The following CCDC30 variants were observed in gnomAD, a reference collection of about 807,000 sequenced individuals.
CCDC30 encodes coiled-coil domain-containing protein 30.
A neutral mutation model predicts 100.2 loss-of-function variants in CCDC30; 70 were observed. The ratio of observed to expected loss-of-function variants is 0.70; its 90% CI spans 0.58 to 0.85. CCDC30 has a LOEUF of 0.85. Among genes scored for constraint, CCDC30 ranks in the 40% least tolerant of loss-of-function variants. The pLI, the probability that CCDC30 is intolerant of heterozygous loss-of-function variation, is 0.00. For synonymous variants in CCDC30, 233 were observed against 269.5 expected (o/e 0.86, Z 1.33); for missense variants, 652 against 771.2 (o/e 0.85, Z 1.83).
chr1:42,470,629 TAAATG>T (rs1285330599), intron 1 of CCDC30, among the ~76,000 whole-genome samples: 1 of 152,202 alleles, frequency 6.6e-6, no homozygotes, highest in Non-Finnish European at 1.5e-5. Context: ...TATTCAATCT[TAAATG>T]AAATTATGAT....
chr1:42,514,339 T>A (rs1489769011), intron 6 of CCDC30, among the ~76,000 whole-genome samples: 1 of 152,234 alleles, frequency 6.6e-6, no homozygotes, highest in Non-Finnish European at 1.5e-5. Flanking sequence ...CCAATGAAGA[T>A]GTACTATTTT....
chr1:42,481,318 G>A (rs1372375703), intron 2 of CCDC30, among the ~76,000 whole-genome samples: 1 of 151,468 alleles, frequency 6.6e-6, no homozygotes, highest in Admixed American at 6.6e-5. Flanking sequence ...GCTCATACCT[G>A]TAATCCCAGC....
intron 9 of CCDC30, among the ~76,000 whole-genome samples, chr1:42,582,998 T>C (rs181895731): frequency 4.6e-5 from 7 of 152,328 alleles, no homozygotes; most frequent in Admixed American, 3.9e-4. Flanking sequence ...GCTGAATCAA[T>C]TGAGATGTCT....
rs570679051 is a variant in CCDC30, at chr1:42,596,001, C to T, written c.1164+6518C>T. Among the ~76,000 whole-genome samples the T allele has an allele frequency of 2.6e-5, 4 of 152,312 alleles. No homozygotes were observed. In the South Asian group the frequency reaches 6.2e-4, roughly 24 times the overall value. ...GAAGCTTGGAAGTTGTCACTGTGTC[C>T]TGACAACAAGTGAAATGCCAAACAA... On this transcript the variant is annotated intron_variant, in intron 10 of 16. Transcript: ENST00000668663. This position sits in a 1 kb window ranked among gnomAD's most constrained non-coding sequence, Gnocchi z 4.3.
At chr1:42,610,755 G>T (rs1451006112) in intron 10 of CCDC30, among the ~76,000 whole-genome samples, 1 of 152,034 alleles carries the variant, frequency 6.6e-6, no homozygotes, top group African/African-American at 2.4e-5. Context: ...GGAATTAGAT[G>T]CTTACAAAAT....
At chr1:42,632,003 A>G (rs1036702278) in intron 11 of CCDC30, among the ~76,000 whole-genome samples, 26 of 152,180 alleles carry the variant, frequency 1.7e-4, no homozygotes, top group Non-Finnish European at 1.8e-4. Context: ...ATGCTGTAAG[A>G]CTAAGTCCCT....
upstream of CCDC30, chr1:42,460,249 G>C: frequency 9.7e-7 from 1 of 1,034,042 alleles, no homozygotes; most frequent in African/African-American, 1.7e-5. Flanking sequence ...TGCATGAATG[G>C]TCATGCTTTG....
chr1:42,539,030 G>A (rs923152995), intron 6 of CCDC30, 143 bp from the exon 8 acceptor site: 86 of 520,146 alleles, frequency 1.7e-4, no homozygotes, highest in Non-Finnish European at 2.3e-4. Context: ...GAAAGGCATC[G>A]GTCTGCCAGA....
chr1:42,629,080 T>C (rs1557471327), intron 11 of CCDC30, among the ~76,000 whole-genome samples: 1 of 152,204 alleles, frequency 6.6e-6, no homozygotes, highest in Admixed American at 6.5e-5. Context: ...AGTTACAGTG[T>C]TATATTTTGT....
intron 1 of CCDC30, among the ~76,000 whole-genome samples, chr1:42,473,969 A>AT (rs57748230): frequency 0.32 from 48,400 of 149,772 alleles, 8,321 homozygotes; most frequent in East Asian, 0.59. Flanking sequence ...AGATAAAGCT[A>AT]TTTTTTTTTT....
intron 6 of CCDC30, among the ~76,000 whole-genome samples, chr1:42,557,668 T>A (rs999513264): frequency 1.4e-5 from 2 of 147,544 alleles, no homozygotes; most frequent in Admixed American, 6.8e-5. Context: ...ATATTAAATA[T>A]ATTAAATAAA....
upstream of CCDC30, chr1:42,459,320 G>C (rs977356654): frequency 7.8e-5 from 28 of 358,244 alleles, no homozygotes; most frequent in African/African-American, 4.9e-4. Context: ...GTGCCACCAT[G>C]CTTGGCTAAT....
intron 6 of CCDC30, among the ~76,000 whole-genome samples, chr1:42,511,691 T>C (rs1644479838): frequency 6.6e-6 from 1 of 151,984 alleles, no homozygotes; most frequent in African/African-American, 2.4e-5. Flanking sequence ...TTTAGTATAT[T>C]GGTGCAAAAA....
At chr1:42,459,508 A>G (rs558989804), upstream of CCDC30, 30 of 1,075,880 alleles carry the variant, frequency 2.8e-5, no homozygotes, top group Admixed American at 6.5e-4. Flanking sequence ...TGGTTGAGAA[A>G]TCCCACTTAA....
chr1:42,621,965 T>A (rs563493077), intron 11 of CCDC30, among the ~76,000 whole-genome samples: 14 of 152,296 alleles, frequency 9.2e-5, no homozygotes, highest in Admixed American at 4.6e-4. Flanking sequence ...TAGTTATTTT[T>A]AAATGTACAA....
chr1:42,473,592 CCTT>C (rs1177775026), intron 1 of CCDC30: 8 of 296,226 alleles, frequency 2.7e-5, no homozygotes, highest in African/African-American at 1.5e-4. Flanking sequence ...CAGGAGCTGA[CCTT>C]CTAGGTGACT....
chr1:42,473,664 A>G (rs2148445008), intron 1 of CCDC30: 1 of 186,062 alleles, frequency 5.4e-6, no homozygotes, highest in East Asian at 1.3e-4. Flanking sequence ...CTGCTTCTCA[A>G]AGGTGGGCTT....
At chr1:42,589,968 T>C (rs1235139522) in intron 10 of CCDC30, 2 of 152,564 alleles carry the variant, frequency 1.3e-5, no homozygotes, top group Non-Finnish European at 2.9e-5. Context: ...CCAAATCTCT[T>C]GCTGAAATGT....
chr1:42,611,424 CATTT>C (rs1646621100), intron 11 of CCDC30, among the ~76,000 whole-genome samples: 1 of 152,006 alleles, frequency 6.6e-6, no homozygotes. Flanking sequence ...ACCCTCTCCT[CATTT>C]AAAGAGCTTT....
Sources: gnomAD v4.1 joint callset for allele counts (sites outside exome capture counted in the v4.1 genomes callset) on GRCh38, gnomAD v4.1.1 for gene constraint, Gnocchi (gnomAD v3.1) non-coding constraint, MANE v1.5 for transcripts, NCBI Gene and HGNC (gene_info 2026-07-23, HGNC 2026-07-21) for gene names.